RORA: variants seen among roughly 807,000 people sequenced by gnomAD.
RORA encodes RAR related orphan receptor A.
Under a neutral mutation model 69.5 loss-of-function variants are expected in RORA, and 7 were observed. That is an observed-to-expected ratio of 0.10 (90% CI 0.06 to 0.19). The LOEUF (loss-of-function observed/expected upper bound fraction) is 0.19. Among genes scored for constraint, RORA ranks in the 10% least tolerant of loss-of-function variants. RORA has a pLI of 1.00. For missense variants in RORA, 457 were observed against 663.0 expected (o/e 0.69, Z 3.41); for synonymous variants, 261 against 240.8 (o/e 1.08, Z -0.78).
At position 60,804,010 on chromosome 15, in the gene RORA, C is replaced by A. The variant is rs566298967; in HGVS notation, c.167-125324G>T. ...CCAGCATTAAAATGAACTACCAGGG[C>A]CAGGTGCAGTGGCTCATGCCTGTAA... On this transcript the variant is annotated intron_variant, in intron 1 of 10. Transcript: ENST00000335670. 1.1e-4 allele frequency among the ~76,000 whole-genome samples: 16 copies of A among 152,246 alleles called. No individual in the cohort carries two copies. The South Asian group carries it at 3.3e-3, about 32-fold the overall frequency.
intron 1 of RORA, among the ~76,000 whole-genome samples, chr15:60,821,134 G>C (rs11630108): frequency 0.7 from 106,736 of 152,054 alleles, 37,597 homozygotes; most frequent in East Asian, 0.84. Flanking sequence ...CTTCCACCAG[G>C]TAACAGGGCC....
At chr15:60,669,922 C>G (rs1241277212) in intron 2 of RORA, among the ~76,000 whole-genome samples, 1 of 152,140 alleles carries the variant, frequency 6.6e-6, no homozygotes, top group African/African-American at 2.4e-5. Context: ...AGTTAGATTA[C>G]CTATACTGCA....
At chr15:60,704,088 T>TA (rs1356084003) in intron 1 of RORA, among the ~76,000 whole-genome samples, 3 of 152,232 alleles carry the variant, frequency 2.0e-5, no homozygotes, top group Admixed American at 2.0e-4. Context: ...TCAATTCTAA[T>TA]ACAACGTGCT....
At chr15:60,848,761 C>T (rs1184482263) in intron 1 of RORA, 2 of 152,448 alleles carry the variant, frequency 1.3e-5, no homozygotes, top group Admixed American at 6.5e-5. Flanking sequence ...GGAGATGCCA[C>T]ACACTTTTAA....
chr15:61,000,789 G>T lies in RORA; in HGVS notation c.166+228264C>A, dbSNP rs116642664. 3.2e-3 allele frequency among the ~76,000 whole-genome samples: 483 copies of T among 152,286 alleles called. 3 individuals are homozygous for T. Among genetic ancestry groups the T allele is most frequent in the African/African-American group, 0.011 (446 of 41,572 alleles). On this transcript the variant is annotated intron_variant, in intron 1 of 10. Coordinates refer to ENST00000335670, the MANE Select transcript of RORA (RefSeq NM_134261.3). ...ATTCAGGTGGCCATTTCCAGAGGGA[G>T]ATCAGGCAAGCAAAGCGGGAAGTGA...
intron 1 of RORA, among the ~76,000 whole-genome samples, chr15:60,777,492 A>G (rs1383512737): frequency 6.6e-6 from 1 of 152,160 alleles, no homozygotes; most frequent in Non-Finnish European, 1.5e-5. Flanking sequence ...CATCACTTCT[A>G]TCTCTAAAAT....
intron 1 of RORA, among the ~76,000 whole-genome samples, chr15:60,732,868 A>T (rs1200887778): frequency 6.6e-6 from 1 of 151,864 alleles, no homozygotes; most frequent in Non-Finnish European, 1.5e-5. Flanking sequence ...CTATCCTGTT[A>T]TCACCCTTCA....
At chr15:60,732,329 G>A (rs2071439984) in intron 1 of RORA, among the ~76,000 whole-genome samples, 1 of 152,098 alleles carries the variant, frequency 6.6e-6, no homozygotes, top group Admixed American at 6.5e-5. Flanking sequence ...AGGTAGGTGC[G>A]GGTGAGCCAG....
At chr15:61,035,667 C>T (rs1896423044) in intron 1 of RORA, among the ~76,000 whole-genome samples, 1 of 152,158 alleles carries the variant, frequency 6.6e-6, no homozygotes, top group Non-Finnish European at 1.5e-5. Context: ...GTGTCTGAAT[C>T]ACTCACTATG....
In RORA at chr15:61,229,048, C is replaced by T. The variant is rs1291221705; in HGVS notation, c.166+5G>A. 2 of 1,513,008 alleles carry T rather than the reference C, an allele frequency of 1.3e-6. No homozygotes were observed. The highest frequency in any genetic ancestry group is 2.4e-5 in the South Asian group (2 of 82,212). The allele number at this position is 1,513,008 out of a possible 1,614,324, so 93.7% of individuals were successfully genotyped here. A position where few individuals can be genotyped will look rare whatever the true frequency, so the allele number is the denominator to read the frequency against. ...CCCCTCCCCAGCCCCTCTCCAGCCT[C>T]CTACCTCTGCTGGTGCTGGAATAGC... is the stretch of plus-strand genomic sequence containing the variant. On this transcript the variant is annotated splice_donor_5th_base_variant and intron_variant, in intron 1 of 10. Coordinates refer to ENST00000335670, the MANE Select transcript of RORA (RefSeq NM_134261.3).
intron 1 of RORA, among the ~76,000 whole-genome samples, chr15:60,691,594 G>A (rs538296925): frequency 3.9e-5 from 6 of 152,150 alleles, no homozygotes; most frequent in South Asian, 2.1e-4. Flanking sequence ...TGAGAAGGTC[G>A]GGGACATCTA....
chr15:60,864,528 C>G (rs1487483388), intron 1 of RORA, among the ~76,000 whole-genome samples: 1 of 151,276 alleles, frequency 6.6e-6, no homozygotes, highest in Non-Finnish European at 1.5e-5. Context: ...TCCTGGGACA[C>G]TCCAAATGTG....
chr15:60,812,091 T>C (rs1053005563), intron 1 of RORA, among the ~76,000 whole-genome samples: 2 of 152,198 alleles, frequency 1.3e-5, no homozygotes, highest in African/African-American at 4.8e-5. Flanking sequence ...ACTACCTAGA[T>C]TTGAATCTCT....
intron 1 of RORA, among the ~76,000 whole-genome samples, chr15:60,769,450 T>C (rs1277660070): frequency 6.6e-6 from 1 of 152,174 alleles, no homozygotes; most frequent in African/African-American, 2.4e-5. Flanking sequence ...CACTGTGAGC[T>C]GACATATGCA....
chr15:61,130,260 A>C (rs950113569), intron 1 of RORA, among the ~76,000 whole-genome samples: 12 of 152,358 alleles, frequency 7.9e-5, no homozygotes, highest in Admixed American at 5.9e-4. Context: ...AAGGGATGAG[A>C]TAAATGTACA....
chr15:60,645,617 T>C (rs560871123), intron 2 of RORA, among the ~76,000 whole-genome samples: 2 of 152,208 alleles, frequency 1.3e-5, no homozygotes, highest in East Asian at 3.9e-4. Flanking sequence ...GGTCTCGAAC[T>C]CCTGGCCTCA....
At chr15:61,132,153 G>T (rs1194662572) in intron 1 of RORA, among the ~76,000 whole-genome samples, 2 of 152,194 alleles carry the variant, frequency 1.3e-5, no homozygotes, top group African/African-American at 4.8e-5. Context: ...TCATTGAAAT[G>T]CATGTAATCT....
chr15:60,958,451 C>T (rs1450336386), intron 1 of RORA, among the ~76,000 whole-genome samples: 6 of 152,048 alleles, frequency 3.9e-5, no homozygotes, highest in Non-Finnish European at 8.8e-5. Flanking sequence ...TTTATAATAT[C>T]CCATATAATA....
Position 60,653,043 on chromosome 15 carries a change from G to A in RORA, c.196+25614C>T, listed in dbSNP as rs571222317. ...AATCACCAGACTTCAGCCCGTAAGC[G>A]TGATCTGAGTGACACTGGATTTTTT... On this transcript the variant is annotated intron_variant, in intron 2 of 10. Transcript: ENST00000335670. 3.7e-4 allele frequency among the ~76,000 whole-genome samples: 57 copies of A among 152,292 alleles called. 2 individuals are homozygous for A. In the South Asian group the frequency reaches 5.8e-3, roughly 16 times the overall value.
Sources: gnomAD v4.1 joint callset for allele counts (sites outside exome capture counted in the v4.1 genomes callset) on GRCh38, gnomAD v4.1.1 for gene constraint, MANE v1.5 for transcripts, NCBI Gene and HGNC (gene_info 2026-07-23, HGNC 2026-07-21) for gene names.